DAB1: variants seen among roughly 807,000 people sequenced by gnomAD.
The protein encoded by DAB1 is disabled homolog 1.
DAB1 carries 15 observed loss-of-function variants against 64.6 expected under a neutral mutation model. The ratio of observed to expected loss-of-function variants is 0.23; its 90% CI spans 0.16 to 0.36. DAB1 has a LOEUF of 0.36. DAB1 is among the 10% of genes least tolerant of loss of function. The probability of loss-of-function intolerance (pLI) is 1.00; values close to 1 mark genes in which losing one functional copy is unlikely to be tolerated. For missense variants in DAB1, 596 were observed against 706.7 expected (o/e 0.84, Z 1.78); for synonymous variants, 235 against 251.9 (o/e 0.93, Z 0.64).
intron 4 of DAB1, among the ~76,000 whole-genome samples, chr1:57,115,392 G>A (rs1453153488): frequency 6.6e-6 from 1 of 152,104 alleles, no homozygotes; most frequent in East Asian, 1.9e-4. Context: ...TAAGAAGTGG[G>A]CATTTTCATC....
intron 5 of DAB1, among the ~76,000 whole-genome samples, chr1:57,932,588 C>T (rs1033884538): frequency 2.6e-5 from 4 of 151,534 alleles, no homozygotes; most frequent in African/African-American, 7.3e-5. Flanking sequence ...GAAGTTCTAT[C>T]AGTGTTTATC....
At chr1:58,519,376 G>A (rs140512804) in intron 2 of DAB1, among the ~76,000 whole-genome samples, 4 of 152,276 alleles carry the variant, frequency 2.6e-5, no homozygotes, top group Non-Finnish European at 5.9e-5. Context: ...GGATTCATCT[G>A]CAGACACGTG....
At chr1:57,406,014 C>T (rs1250451964) in intron 1 of DAB1, among the ~76,000 whole-genome samples, 2 of 152,168 alleles carry the variant, frequency 1.3e-5, no homozygotes, top group African/African-American at 2.4e-5. Flanking sequence ...GCCTCATTTC[C>T]CCTGGTTCCT....
chr1:57,846,076 G>T (rs534268741), intron 1 of DAB1, among the ~76,000 whole-genome samples: 3 of 152,200 alleles, frequency 2.0e-5, no homozygotes, highest in East Asian at 3.9e-4. Flanking sequence ...GTGGGGGAGG[G>T]TTATTGAAAA....
chr1:57,409,421 G>A (rs1470045129), intron 1 of DAB1, among the ~76,000 whole-genome samples: 1 of 152,194 alleles, frequency 6.6e-6, no homozygotes, highest in Non-Finnish European at 1.5e-5. Context: ...TAGTGTGGCT[G>A]TTATGTTTTG....
chr1:57,298,127 T>A (rs1300464471), intron 1 of DAB1, among the ~76,000 whole-genome samples: 1 of 152,122 alleles, frequency 6.6e-6, no homozygotes, highest in Non-Finnish European at 1.5e-5. Context: ...CTTTTTTTTT[T>A]ATTTTTATTT....
chr1:58,061,224 A>G (rs1347267734), intron 5 of DAB1, among the ~76,000 whole-genome samples: 2 of 152,190 alleles, frequency 1.3e-5, no homozygotes, highest in African/African-American at 4.8e-5. Flanking sequence ...TAGCTTTGCA[A>G]CCCTGAGCAA....
intron 1 of DAB1, among the ~76,000 whole-genome samples, chr1:57,413,619 C>T (rs1399106978): frequency 6.6e-6 from 1 of 151,704 alleles, no homozygotes; most frequent in Non-Finnish European, 1.5e-5. Flanking sequence ...TGGCAGGTGC[C>T]TGTACTCCCA....
At chr1:57,448,136 A>C (rs1262319436) in intron 7 of DAB1, among the ~76,000 whole-genome samples, 1 of 152,236 alleles carries the variant, frequency 6.6e-6, no homozygotes, top group African/African-American at 2.4e-5. Flanking sequence ...AGTGACAATC[A>C]TTAAGTATTC....
chr1:57,621,382 G>T (rs753100623), intron 7 of DAB1, among the ~76,000 whole-genome samples: 1 of 151,310 alleles, frequency 6.6e-6, no homozygotes, highest in Non-Finnish European at 1.5e-5. Flanking sequence ...TAACAAGCTG[G>T]GATAGTGCGT....
intron 6 of DAB1, among the ~76,000 whole-genome samples, chr1:57,775,687 G>A (rs1053459122): frequency 6.6e-6 from 1 of 151,626 alleles, no homozygotes; most frequent in Non-Finnish European, 1.5e-5. Context: ...CTGTTGTTGA[G>A]TGTTGAGTTT....
At chr1:58,075,384 T>C (rs1037073684) in intron 5 of DAB1, among the ~76,000 whole-genome samples, 1 of 152,188 alleles carries the variant, frequency 6.6e-6, no homozygotes, top group Non-Finnish European at 1.5e-5. Context: ...GCAGAAGCAA[T>C]CTGTGTCACT....
At chr1:58,253,899 G>T (rs1384026518) in intron 4 of DAB1, among the ~76,000 whole-genome samples, 1 of 152,186 alleles carries the variant, frequency 6.6e-6, no homozygotes, top group Non-Finnish European at 1.5e-5. Context: ...TGGACAGGCA[G>T]GAATAGTCAT....
chr1:58,106,164 T>C (rs1010986674), intron 5 of DAB1, among the ~76,000 whole-genome samples: 10 of 151,918 alleles, frequency 6.6e-5, no homozygotes, highest in African/African-American at 9.7e-5. Flanking sequence ...TTTCTTTCTT[T>C]CCTTTCTTCC....
intron 7 of DAB1, among the ~76,000 whole-genome samples, chr1:57,492,840 A>G (rs1644181021): frequency 6.6e-6 from 1 of 152,160 alleles, no homozygotes; most frequent in Admixed American, 6.5e-5. Flanking sequence ...GTGTTTCTGC[A>G]CTTGCAGCTC....
intron 5 of DAB1, among the ~76,000 whole-genome samples, chr1:58,099,433 G>A (rs956165780): frequency 5.9e-5 from 9 of 152,200 alleles, no homozygotes; most frequent in South Asian, 4.1e-4. Context: ...ATTGATGACC[G>A]TCTACGTACT....
intron 7 of DAB1, among the ~76,000 whole-genome samples, chr1:57,594,035 T>C (rs553579748): frequency 1.3e-5 from 2 of 152,174 alleles, no homozygotes; most frequent in Non-Finnish European, 2.9e-5. Context: ...CTACTCAGAA[T>C]AGGTTCCCCT....
intron 4 of DAB1, among the ~76,000 whole-genome samples, chr1:57,101,832 T>C (rs1654710603): frequency 6.6e-6 from 1 of 152,228 alleles, no homozygotes. Flanking sequence ...TCTAACTTTA[T>C]GAGACAGGCA....
chr1:57,746,142 T>G (rs1019499382), intron 6 of DAB1, among the ~76,000 whole-genome samples: 2 of 152,186 alleles, frequency 1.3e-5, no homozygotes, highest in African/African-American at 4.8e-5. Flanking sequence ...TGCAATAAAT[T>G]TTCTGGTCCA....
Sources: gnomAD v4.1 joint callset for allele counts (sites outside exome capture counted in the v4.1 genomes callset) on GRCh38, gnomAD v4.1.1 for gene constraint, MANE v1.5 for transcripts, NCBI Gene and HGNC (gene_info 2026-07-23, HGNC 2026-07-21) for gene names.